The following ADGRL1 variants were observed in gnomAD, a reference collection of about 807,000 sequenced individuals.
The protein encoded by ADGRL1 is adhesion G protein-coupled receptor L1, also known as CIRL-1.
Under a neutral mutation model 148.9 loss-of-function variants are expected in ADGRL1, and 31 were observed. The observed-to-expected ratio is 0.21, with a 90% confidence interval of 0.16 to 0.28. The LOEUF (loss-of-function observed/expected upper bound fraction) is 0.28. ADGRL1 is among the 10% of genes least tolerant of loss of function. The probability of loss-of-function intolerance (pLI) is 1.00; values close to 1 mark genes in which losing one functional copy is unlikely to be tolerated. For missense variants in ADGRL1, 1,521 were observed against 2,058.8 expected (o/e 0.74, Z 5.05); for synonymous variants, 937 against 900.3 (o/e 1.04, Z -0.73).
chr19:14,191,897 TA>T (rs1201736546), intron 1 of ADGRL1, among the ~76,000 whole-genome samples: 1 of 152,100 alleles, frequency 6.6e-6, no homozygotes, highest in African/African-American at 2.4e-5. Context: ...GGGGTCTCGC[TA>T]TGTCGCCCAG....
In ADGRL1 at chr19:14,162,421, T is replaced by G. The variant is rs1310165298; in HGVS notation, c.1195+185A>C. On this transcript the variant is annotated intron_variant, in intron 5 of 22. Coordinates refer to ENST00000361434, the MANE Select transcript of ADGRL1 (RefSeq NM_014921.5). The surrounding 1 kb of genome is among the most constrained non-coding windows in gnomAD (Gnocchi z 5.4). ...GTAAGGATCCCTGTGTCATAGACCG[T>G]GAGGAGACGAGTTAATGACTGTGAA... Among the ~76,000 whole-genome samples the G allele has an allele frequency of 6.6e-6, 1 of 152,112 alleles. No individual in the cohort carries two copies. Among genetic ancestry groups the G allele is most frequent in the Non-Finnish European group, 1.5e-5 (1 of 68,010 alleles).
chr19:14,204,917 A>C (rs1293372768), intron 1 of ADGRL1, among the ~76,000 whole-genome samples: 1 of 152,070 alleles, frequency 6.6e-6, no homozygotes, highest in African/African-American at 2.4e-5. Flanking sequence ...TGGGATACAG[A>C]AACACCCACG....
chr19:14,163,465 GGAGAGAGAGAGAGAGAGAGAGAGA>G (rs71170599), intron 4 of ADGRL1, 59 bp from the exon 5 acceptor site: 1 of 641,406 alleles, frequency 1.6e-6, no homozygotes, highest in Non-Finnish European at 2.4e-6. Context: ...GCGAGAGGGA[GGAGAGAGAGAGAGAGAGAGAGAGA>G]GAGAGAGAGG....
At chr19:14,191,150 A>G (rs1301552708) in intron 1 of ADGRL1, 1 of 456,072 alleles carries the variant, frequency 2.2e-6, no homozygotes, top group African/African-American at 2.0e-5. Flanking sequence ...CCCCTCCAAC[A>G]CCTCTGACTC....
At chr19:14,204,355 CAGG>C (rs1424808600) in intron 1 of ADGRL1, among the ~76,000 whole-genome samples, 2 of 151,994 alleles carry the variant, frequency 1.3e-5, no homozygotes, top group South Asian at 2.1e-4. Flanking sequence ...CGGGGGCAGA[CAGG>C]AGAAGAGAAT....
At chr19:14,158,227 G>A in intron 12 of ADGRL1, 111 bp downstream of exon 12, 1 of 1,300,904 alleles carries the variant, frequency 7.7e-7, no homozygotes. Flanking sequence ...CTCTAAAGTG[G>A]AAGAACCCAT....
intron 4 of ADGRL1, among the ~76,000 whole-genome samples, chr19:14,168,221 G>A (rs531104141): frequency 1.3e-5 from 2 of 152,098 alleles, no homozygotes; most frequent in South Asian, 4.2e-4. Flanking sequence ...AGGGAGCTCC[G>A]CAGGGGCAGC....
chr19:14,151,467 C>T lies in ADGRL1; in HGVS notation c.3816G>A (p.Ala1272=), dbSNP rs139487067. 6.1e-5 allele frequency: 99 copies of T among 1,612,650 alleles called. 1 individual carries two copies. The South Asian group carries it at 6.2e-4, about 10-fold the overall frequency. Residue 1272 remains alanine, a synonymous_variant, in exon 23 of 23, where the codon GCG becomes GCA. Coordinates refer to ENST00000361434, the MANE Select transcript of ADGRL1 (RefSeq NM_014921.5). ...AGATGATCATCTTCTCAAAGGCCGC[C>T]GCATCGGCTAGGTTCCGGCCTCGGG... ...EPPRGRNLAD[A]AAFEKMIISE... is the part of the protein sequence containing the mutation.
intron 4 of ADGRL1, among the ~76,000 whole-genome samples, chr19:14,168,305 G>A (rs1970174770): frequency 6.6e-6 from 1 of 152,184 alleles, no homozygotes; most frequent in African/African-American, 2.4e-5. Context: ...TTGGGGACAA[G>A]TGAGTGCCTG....
chr19:14,201,961 T>C (rs1166903509), intron 1 of ADGRL1, among the ~76,000 whole-genome samples: 2 of 152,044 alleles, frequency 1.3e-5, no homozygotes, highest in African/African-American at 4.8e-5. Flanking sequence ...TAAACGTTAC[T>C]GGGGAGGTGA....
rs763633572 is a variant in ADGRL1, at chr19:14,157,502, T to C, written c.2536-42A>G. ...GGGGCACGCTCAGGGCCTTTGGTTT[T>C]GCACGCTGGGCTCAGCCAGGTGCCA... On this transcript the variant is annotated intron_variant, in intron 13 of 22. Transcript: ENST00000361434. This position sits in a 1 kb window ranked among gnomAD's most constrained non-coding sequence, Gnocchi z 7.5. 1 of 1,594,652 alleles carries C rather than the reference T, an allele frequency of 6.3e-7. No individual in the cohort carries two copies. Among genetic ancestry groups the C allele is most frequent in the Non-Finnish European group, 8.6e-7 (1 of 1,164,068 alleles).
intron 1 of ADGRL1, among the ~76,000 whole-genome samples, chr19:14,199,351 G>A (rs1972459247): frequency 6.6e-6 from 1 of 152,046 alleles, no homozygotes; most frequent in Non-Finnish European, 1.5e-5. Flanking sequence ...CGATTCTATA[G>A]CGTACCAGTG....
At chr19:14,167,230 G>A (rs1970058050) in intron 4 of ADGRL1, among the ~76,000 whole-genome samples, 1 of 152,104 alleles carries the variant, frequency 6.6e-6, no homozygotes, top group South Asian at 2.1e-4. Flanking sequence ...CCCTTCCTCT[G>A]GGGGTGGTCA....
Position 14,152,828 on chromosome 19 carries a change from T to C in ADGRL1, c.3379A>G (p.Thr1127Ala), listed in dbSNP as rs938632413. The C allele has an allele frequency of 2.5e-6, 4 of 1,613,650 alleles. No homozygotes were observed. The highest frequency in any genetic ancestry group is 3.4e-6 in the Non-Finnish European group (4 of 1,179,932). The change falls in exon 19 of 23, where the codon ACC becomes GCC. Residue 1127 changes from threonine to alanine, a missense_variant. Coordinates refer to ENST00000361434, the MANE Select transcript of ADGRL1 (RefSeq NM_014921.5). The surrounding 1 kb of genome is among the most constrained non-coding windows in gnomAD (Gnocchi z 6.1). ...PPGGTHGSLK[T>A]SAMRSNTRYY... is the part of the protein sequence containing the mutation. ...CGGGTGTTGCTTCGCATGGCTGAGG[T>C]CTTGAGGGATCCGTGAGTGCCCCCG...
At chr19:14,187,032 A>C (rs1392198657) in intron 1 of ADGRL1, among the ~76,000 whole-genome samples, 2 of 150,256 alleles carry the variant, frequency 1.3e-5, no homozygotes, top group Non-Finnish European at 2.9e-5. Flanking sequence ...GCTTCTTGAG[A>C]GAGGCCCTTA....
At chr19:14,191,000 A>C (rs760544018) in intron 1 of ADGRL1, 83 of 422,506 alleles carry the variant, frequency 2.0e-4, no homozygotes, top group Middle Eastern at 5.1e-4. Context: ...AGGTAGGAGA[A>C]TTGCTTGAAC....
chr19:14,196,429 G>T (rs1226334003), intron 1 of ADGRL1, among the ~76,000 whole-genome samples: 1 of 152,202 alleles, frequency 6.6e-6, no homozygotes, highest in East Asian at 1.9e-4. Flanking sequence ...GACCAGCCTG[G>T]GGAACATAGT....
rs565295483 is a variant in ADGRL1 at position 14,148,968 on chromosome 19, G to C, written c.*1905C>G. 1.3e-5 allele frequency: 2 copies of C among 153,002 alleles called. No homozygotes were observed. The highest frequency in any genetic ancestry group is 2.4e-5 in the African/African-American group (1 of 41,530). The allele number at this position is 153,002 out of a possible 1,614,324, so 9.5% of individuals were successfully genotyped here. ...CCCAACAAAGTTCATGGCAGCAGCA[G>C]GCTGAGACCCGAAGATGTTTGAAAA... On this transcript the variant is annotated 3_prime_UTR_variant, in exon 23 of 23. Transcript: ENST00000361434.
At chr19:14,172,793 G>A (rs1970568393) in intron 3 of ADGRL1, among the ~76,000 whole-genome samples, 1 of 152,140 alleles carries the variant, frequency 6.6e-6, no homozygotes, top group African/African-American at 2.4e-5. Flanking sequence ...GCGTGTCCAT[G>A]CTGTATTTGC....
Sources: gnomAD v4.1 joint callset for allele counts (sites outside exome capture counted in the v4.1 genomes callset) on GRCh38, gnomAD v4.1.1 for gene constraint, Gnocchi (gnomAD v3.1) non-coding constraint, MANE v1.5 for transcripts, NCBI Gene and HGNC (gene_info 2026-07-23, HGNC 2026-07-21) for gene names.